Variants in JPH2 observed in about 807,000 individuals in gnomAD.
JPH2 encodes the protein junctophilin 2, also known as junctophilin-2.
In JPH2, 38 loss-of-function variants were observed where a neutral mutation model predicts 55.9. The observed-to-expected ratio is 0.68, with a 90% CI of 0.52 to 0.89. JPH2 has a LOEUF of 0.89. Ranked by LOEUF, JPH2 falls within the 40% of genes least tolerant of loss-of-function variation. JPH2 has a pLI of 0.00. For missense variants in JPH2, 964 were observed against 1,037.6 expected (o/e 0.93, Z 0.97); for synonymous variants, 480 against 472.4 (o/e 1.02, Z -0.21).
intron 2 of JPH2, among the ~76,000 whole-genome samples, chr20:44,153,802 G>A (rs911509608): frequency 7.9e-4 from 121 of 152,324 alleles, no homozygotes; most frequent in African/African-American, 2.6e-3. Flanking sequence ...ACTCTTTGAG[G>A]TGCGTCTTCT....
chr20:44,151,615 G>A (rs928988671), intron 2 of JPH2, among the ~76,000 whole-genome samples: 1 of 152,194 alleles, frequency 6.6e-6, no homozygotes, highest in African/African-American at 2.4e-5. Context: ...TCCCCCAAGA[G>A]GGCTTGCAGA....
chr20:44,149,726 C>T (rs999193740), intron 2 of JPH2, among the ~76,000 whole-genome samples: 2 of 152,202 alleles, frequency 1.3e-5, no homozygotes, highest in Non-Finnish European at 2.9e-5. Flanking sequence ...TGCCTGTAAT[C>T]CCAGCACTTT....
In JPH2 at chr20:44,108,793, T is replaced by C. The variant is rs1382393244; in HGVS notation, c.*4725A>G. ...CTGCAGTTGGTCTGTGGACAAAATATGACTCCCCGCTCAGTCCAGGCTCTG... is the reference window on the plus strand; with the variant it reads ...CTGCAGTTGGTCTGTGGACAAAATACGACTCCCCGCTCAGTCCAGGCTCTG... On this transcript the variant is annotated 3_prime_UTR_variant, in exon 6 of 6. Coordinates refer to ENST00000372980, the MANE Select transcript of JPH2 (RefSeq NM_020433.5). 6.6e-6 allele frequency among the ~76,000 whole-genome samples: 1 copy of C among 152,142 alleles called. No individual in the cohort carries two copies. The highest frequency in any genetic ancestry group is 1.5e-5 in the Non-Finnish European group (1 of 68,034).
At chr20:44,139,200 C>T (rs954383466) in intron 2 of JPH2, among the ~76,000 whole-genome samples, 4 of 152,122 alleles carry the variant, frequency 2.6e-5, no homozygotes, top group African/African-American at 9.7e-5. Flanking sequence ...AATGGAGAAC[C>T]ACAGAGGGGC....
chr20:44,173,861 C>T (rs1021212388), intron 1 of JPH2, among the ~76,000 whole-genome samples: 3 of 152,074 alleles, frequency 2.0e-5, no homozygotes, highest in Non-Finnish European at 4.4e-5. Context: ...TGCAGTTAGC[C>T]GAGATCGTAC....
Position 44,132,344 on chromosome 20 carries a change from GCAGACAGA to G in JPH2, c.1170-13729_1170-13722del, listed in dbSNP as rs753004976. Among the ~76,000 whole-genome samples, 427 of 72,932 alleles carry G rather than the reference GCAGACAGA, an allele frequency of 5.9e-3. 4 individuals carry two copies. The highest frequency in any genetic ancestry group is 0.013 in the African/African-American group (225 of 17,964). The allele number at this position is 72,932 out of a possible 152,430, so 47.8% of individuals were successfully genotyped here. A position where few individuals can be genotyped will look rare whatever the true frequency, so the allele number is the denominator to read the frequency against. ...CCACTGTGAATGAGGTGGAAGGGAG[GCAGACAGA>G]CAGACACACACACACACACACACAC... On this transcript the variant is annotated intron_variant, in intron 2 of 5. Coordinates refer to ENST00000372980, the MANE Select transcript of JPH2 (RefSeq NM_020433.5).
rs2072847837 is a variant in JPH2 at position 44,186,644 on chromosome 20, C to T, written c.62G>A (p.Gly21Glu). 1 of 1,587,678 alleles carries T rather than the reference C, an allele frequency of 6.3e-7. No homozygotes were observed. Among genetic ancestry groups the T allele is most frequent in the Non-Finnish European group, 8.6e-7 (1 of 1,161,192 alleles). The change falls in exon 1 of 6, where the codon GGA becomes GAA. Residue 21 changes from glycine (G) to glutamate (E), a missense_variant. Physicochemically the swap from Gly to Glu is moderately conservative, Grantham distance 98. Transcript: ENST00000372980. ...GCACAGTCCATGCCCATGGGCCTTT[C>T]CCCCCTCCCAGCCCCCGCAGTACGC... is the stretch of plus-strand genomic sequence containing the variant. ...GGAYCGGWEG[G>E]KAHGHGLCTG... is the part of the protein sequence containing the mutation.
intron 2 of JPH2, among the ~76,000 whole-genome samples, chr20:44,148,258 G>C (rs139714727): frequency 6.6e-6 from 1 of 152,272 alleles, no homozygotes; most frequent in African/African-American, 2.4e-5. Context: ...GCACTTAGTG[G>C]CCGCCACATA....
rs1251116072 is a variant in JPH2 at position 44,159,234 on chromosome 20, T to C, written c.1169+384A>G. Among the ~76,000 whole-genome samples the C allele has an allele frequency of 6.6e-6, 1 of 151,458 alleles. No individual in the cohort carries two copies. The highest frequency in any genetic ancestry group is 2.4e-5 in the African/African-American group (1 of 41,170). On this transcript the variant is annotated intron_variant, in intron 2 of 5. Coordinates refer to ENST00000372980, the MANE Select transcript of JPH2 (RefSeq NM_020433.5). This position sits in a 1 kb window ranked among gnomAD's most constrained non-coding sequence, Gnocchi z 5.7. ...GAAGTTAGTCAATGAAGGAATTGGG[T>C]GGATTTGGATGGATGTTTGGGTGGT... is the stretch of plus-strand genomic sequence containing the variant.
chr20:44,156,480 A>T (rs755662655), intron 2 of JPH2, among the ~76,000 whole-genome samples: 1 of 152,152 alleles, frequency 6.6e-6, no homozygotes, highest in Non-Finnish European at 1.5e-5. Context: ...CATCTGTGCC[A>T]CTTTAACAGA....
chr20:44,140,489 C>A (rs1569199156), intron 2 of JPH2, among the ~76,000 whole-genome samples: 1 of 152,192 alleles, frequency 6.6e-6, no homozygotes, highest in Non-Finnish European at 1.5e-5. Flanking sequence ...TTTGTAGGAG[C>A]ACCCCCTTGC....
At position 44,159,734 on chromosome 20, in the gene JPH2, C is replaced by T. The variant is rs1469061434; in HGVS notation, c.1053G>A (p.Lys351=). 6.2e-7 allele frequency: 1 copy of T among 1,613,754 alleles called. No homozygotes were observed. Residue 351 remains lysine, a synonymous_variant, in exon 2 of 6, where the codon AAG becomes AAA. Transcript: ENST00000372980. This position sits in a 1 kb window ranked among gnomAD's most constrained non-coding sequence, Gnocchi z 5.7. ...TGCTCTTGAGCTGCAGCATGCGGCGCTTGGTGTCCTTGACCAGCACGTTGT... is the reference window on the plus strand; with the variant it reads ...TGCTCTTGAGCTGCAGCATGCGGCGTTTGGTGTCCTTGACCAGCACGTTGT... ...YRHNVLVKDT[K]RRMLQLKSNK...
At chr20:44,132,154 C>A (rs2072323273) in intron 2 of JPH2, among the ~76,000 whole-genome samples, 1 of 152,116 alleles carries the variant, frequency 6.6e-6, no homozygotes, top group South Asian at 2.1e-4. Context: ...TAAGATTGAT[C>A]TTTGTGTATG....
chr20:44,117,352 T>TC (rs1411161111), intron 3 of JPH2, among the ~76,000 whole-genome samples: 1 of 152,186 alleles, frequency 6.6e-6, no homozygotes, highest in Non-Finnish European at 1.5e-5. Context: ...CACCACTCTA[T>TC]CCATGTGCCA....
chr20:44,118,421 G>T, intron 3 of JPH2, 84 bp downstream of exon 3: 2 of 1,058,164 alleles, frequency 1.9e-6, no homozygotes, highest in Non-Finnish European at 2.9e-6. Context: ...AAACCACTTG[G>T]GCATCTCAGA....
At chr20:44,167,610 T>C (rs554731801) in intron 1 of JPH2, among the ~76,000 whole-genome samples, 1 of 152,296 alleles carries the variant, frequency 6.6e-6, no homozygotes, top group Admixed American at 6.5e-5. Flanking sequence ...CCGATAGGAC[T>C]CCCGAAATTA....
intron 2 of JPH2, among the ~76,000 whole-genome samples, chr20:44,153,652 G>A (rs2072546229): frequency 6.6e-6 from 1 of 152,200 alleles, no homozygotes; most frequent in South Asian, 2.1e-4. Flanking sequence ...GCCATGCCCT[G>A]CCTCTGCCAC....
intron 2 of JPH2, among the ~76,000 whole-genome samples, chr20:44,133,634 C>T (rs1278023899): frequency 1.3e-5 from 2 of 151,596 alleles, no homozygotes; most frequent in African/African-American, 4.9e-5. Flanking sequence ...TGTCTATTCC[C>T]CTTCTATGTC....
chr20:44,164,280 A>G (rs2072638415), intron 1 of JPH2, among the ~76,000 whole-genome samples: 1 of 152,232 alleles, frequency 6.6e-6, no homozygotes, highest in Non-Finnish European at 1.5e-5. Flanking sequence ...ATCCCATTGG[A>G]TGGAGGCTGA....
Sources: gnomAD v4.1 joint callset for allele counts (sites outside exome capture counted in the v4.1 genomes callset) on GRCh38, gnomAD v4.1.1 for gene constraint, Gnocchi (gnomAD v3.1) non-coding constraint, MANE v1.5 for transcripts, NCBI Gene and HGNC (gene_info 2026-07-23, HGNC 2026-07-21) for gene names.